ILDR1: variants seen among roughly 807,000 people sequenced by gnomAD.
ILDR1 encodes the protein immunoglobulin-like domain-containing receptor 1.
ILDR1 carries 56 observed loss-of-function variants against 62.4 expected under a neutral mutation model. That is an observed-to-expected ratio of 0.90 (90% confidence interval 0.72 to 1.12). The LOEUF (loss-of-function observed/expected upper bound fraction) is 1.12, where lower values mean the gene tolerates loss of function less well. ILDR1 is among the 50% of genes most tolerant of loss of function. The pLI is 0.00. For synonymous variants in ILDR1, 284 were observed against 277.8 expected (o/e 1.02, Z -0.22); for missense variants, 736 against 710.6 (o/e 1.04, Z -0.41).
intron 5 of ILDR1, among the ~76,000 whole-genome samples, chr3:121,995,284 C>A (rs1040356751): frequency 6.6e-6 from 1 of 152,166 alleles, no homozygotes; most frequent in Non-Finnish European, 1.5e-5. Flanking sequence ...GAAGTGCCAG[C>A]CTCAGTGTGA....
At chr3:122,017,783 T>C (rs1214031257) in intron 1 of ILDR1, among the ~76,000 whole-genome samples, 3 of 152,088 alleles carry the variant, frequency 2.0e-5, no homozygotes, top group African/African-American at 4.8e-5. Flanking sequence ...CCAACAGACA[T>C]ATGAAAAAAT....
intron 3 of ILDR1, among the ~76,000 whole-genome samples, chr3:122,004,301 A>G (rs2071571375): frequency 6.6e-6 from 1 of 152,242 alleles, no homozygotes; most frequent in Non-Finnish European, 1.5e-5. Context: ...ACACAATAGA[A>G]ATATGAGGAG....
the ILDR1 span, chr3:122,055,353 T>C: frequency 1.3e-6 from 1 of 746,258 alleles, no homozygotes; most frequent in Non-Finnish European, 2.3e-6. Flanking sequence ...GTTAGCTGGG[T>C]AGGTATACAG....
At chr3:121,997,418 A>G (rs1442692385) in intron 5 of ILDR1, among the ~76,000 whole-genome samples, 1 of 152,170 alleles carries the variant, frequency 6.6e-6, no homozygotes, top group African/African-American at 2.4e-5. Flanking sequence ...CCTCCTCCCA[A>G]TAGGGCTTTC....
intron 5 of ILDR1, among the ~76,000 whole-genome samples, chr3:121,998,246 CTCACTTCTTAATGCT>C (rs1351805826): frequency 6.6e-6 from 1 of 152,188 alleles, no homozygotes; most frequent in African/African-American, 2.4e-5. Context: ...CATCAGTGAC[CTCACTTCTTAATGCT>C]TCACTTTACT....
chr3:122,015,371 T>C (rs2071762386), intron 1 of ILDR1, among the ~76,000 whole-genome samples: 1 of 152,228 alleles, frequency 6.6e-6, no homozygotes, highest in African/African-American at 2.4e-5. Flanking sequence ...CCTGGTATCT[T>C]TTTTTCCTTT....
the ILDR1 span, among the ~76,000 whole-genome samples, chr3:122,035,498 T>A: frequency 6.6e-6 from 1 of 152,134 alleles, no homozygotes; most frequent in Non-Finnish European, 1.5e-5. Flanking sequence ...AAATCTTATG[T>A]CAAATTGGAG....
chr3:122,029,504 T>TAAAAAAAAAAA, the ILDR1 span, among the ~76,000 whole-genome samples: 1 of 138,510 alleles, frequency 7.2e-6, no homozygotes, highest in African/African-American at 2.8e-5. Context: ...ACACTCCGTC[T>TAAAAAAAAAAA]AAAAAAAATA....
the ILDR1 span, among the ~76,000 whole-genome samples, chr3:122,045,047 G>A: frequency 6.6e-6 from 1 of 151,602 alleles, no homozygotes; most frequent in Non-Finnish European, 1.5e-5. Context: ...TTTCTCTTGT[G>A]GGCATTTAGT....
In ILDR1 at chr3:121,993,395, G is replaced by A. The variant is rs1412813433; in HGVS notation, c.1354C>T (p.Pro452Ser). 6.2e-7 allele frequency: 1 copy of A among 1,613,324 alleles called. No individual in the cohort carries two copies. The highest frequency in any genetic ancestry group is 2.2e-5 in the East Asian group (1 of 44,868). ...RCQERPRRPSPRESTQRHGRR... is the reference protein window; with the variant it reads ...RCQERPRRPSSRESTQRHGRR... ...CCGTGCCTCTGAGTGCTCTCCCGGG[G>A]GCTGGGCCTGCGGGGCCTCTCCTGA... Residue 452 changes from proline (P) to serine (S), a missense_variant, in exon 7 of 8, where the codon CCC becomes TCC. By Grantham distance (74) the Pro-to-Ser change is moderately conservative. Transcript: ENST00000344209.
chr3:121,994,031 A>G, intron 6 of ILDR1, 61 bp from the exon 7 acceptor site: 1 of 1,545,874 alleles, frequency 6.5e-7, no homozygotes, highest in Non-Finnish European at 8.8e-7. Context: ...CCTCAGAATC[A>G]GGACATCAAA....
chr3:121,996,124 C>T (rs907192250), intron 5 of ILDR1, among the ~76,000 whole-genome samples: 1 of 152,164 alleles, frequency 6.6e-6, no homozygotes, highest in African/African-American at 2.4e-5. Context: ...ACAACCCTAC[C>T]CACTGTACCC....
Position 121,993,869 on chromosome 3 carries a change from G to T in ILDR1, c.880C>A (p.Arg294=), listed in dbSNP as rs139164443. The T allele has an allele frequency of 2.5e-6, 4 of 1,614,060 alleles. No homozygotes were observed. Among genetic ancestry groups the T allele is most frequent in the African/African-American group, 2.7e-5 (2 of 75,014 alleles). Residue 294 remains arginine, a synonymous_variant, in exon 7 of 8, where the codon CGG becomes AGG. Transcript: ENST00000344209. ...AGAGGCTGGGCCAGGTTGAGGTTCC[G>T]CAGTTCTTTCTCCAAATACTCCAGG... is the stretch of plus-strand genomic sequence containing the variant. ...GVLEYLEKEL[R]NLNLAQPLPP...
chr3:121,998,650 C>T lies in ILDR1; in HGVS notation c.646+2658G>A, dbSNP rs149497929. Among the ~76,000 whole-genome samples the T allele has an allele frequency of 9.9e-5, 15 of 152,276 alleles. 1 individual carries two copies. The East Asian group carries it at 1.9e-3, about 20-fold the overall frequency. ...AGTCTTGCCTGCTTTTAGTGCCCCA[C>T]GAACCTAGGGAGTCTAAGCAGGCAT... On this transcript the variant is annotated intron_variant, in intron 5 of 7. Transcript: ENST00000344209.
At chr3:122,013,432 C>G (rs981160840) in intron 1 of ILDR1, among the ~76,000 whole-genome samples, 2 of 152,178 alleles carry the variant, frequency 1.3e-5, no homozygotes, top group African/African-American at 4.8e-5. Flanking sequence ...CTGGGACTGA[C>G]AGGAATTGAT....
chr3:122,010,042 C>A (rs1279881600), intron 1 of ILDR1, among the ~76,000 whole-genome samples: 2 of 152,306 alleles, frequency 1.3e-5, no homozygotes, highest in South Asian at 2.1e-4. Flanking sequence ...AATGATTTAA[C>A]CTAGGCTCCA....
Position 122,009,069 on chromosome 3 carries a change from G to A in ILDR1, c.59-1908C>T, listed in dbSNP as rs1251507348. Among the ~76,000 whole-genome samples, 8 of 151,788 alleles carry A rather than the reference G, an allele frequency of 5.3e-5. No homozygotes were observed. In the East Asian group the frequency reaches 1.5e-3, roughly 29 times the overall value. ...CCATCTCAGCCTCCCAAGTAGCTGA[G>A]ACTACAGGCATGCACCACCATGCCT... is the stretch of plus-strand genomic sequence containing the variant. On this transcript the variant is annotated intron_variant, in intron 1 of 7. Transcript: ENST00000344209.
chr3:122,050,075 A>T, the ILDR1 span, among the ~76,000 whole-genome samples: 1 of 152,238 alleles, frequency 6.6e-6, no homozygotes, highest in Non-Finnish European at 1.5e-5. Flanking sequence ...TTTTGTAGGT[A>T]TGGCTACTCC....
the ILDR1 span, among the ~76,000 whole-genome samples, chr3:122,038,336 A>C: frequency 6.6e-6 from 1 of 152,226 alleles, no homozygotes; most frequent in Non-Finnish European, 1.5e-5. Context: ...TGGGGAGCAG[A>C]CATTTAGAGA....
Sources: allele counts gnomAD v4.1 joint callset (sites outside exome capture counted in the v4.1 genomes callset), GRCh38; gene constraint gnomAD v4.1.1; transcripts MANE v1.5; gene names NCBI Gene and HGNC (gene_info 2026-07-23, HGNC 2026-07-21).